The following SRSF5 variants were observed in gnomAD, a reference collection of about 807,000 sequenced individuals.
SRSF5 encodes serine and arginine rich splicing factor 5, also known as serine/arginine-rich splicing factor 5.
A neutral mutation model predicts 34.0 loss-of-function variants in SRSF5; 5 were observed. That is an observed-to-expected ratio of 0.15 (90% CI 0.08 to 0.31). The LOEUF (loss-of-function observed/expected upper bound fraction) is 0.31, where lower values mean the gene tolerates loss of function less well. Among genes scored for constraint, SRSF5 ranks in the 10% least tolerant of loss-of-function variants. The pLI is 1.00. For missense variants in SRSF5, 223 were observed against 351.4 expected (o/e 0.63, Z 2.92); for synonymous variants, 164 against 117.7 (o/e 1.39, Z -2.55).
Position 69,767,179 on chromosome 14 carries a change from T to G in SRSF5, c.-96T>G. ...GTGGCGTAGACGAGTTAAGTCCTGGTCTGCGTGGAGGTCGACGACTCCGTC... is the reference window on the plus strand; with the variant it reads ...GTGGCGTAGACGAGTTAAGTCCTGGGCTGCGTGGAGGTCGACGACTCCGTC... On this transcript the variant is annotated 5_prime_UTR_variant, in exon 1 of 8. Transcript: ENST00000557154. 2.8e-6 allele frequency: 1 copy of G among 353,758 alleles called. No homozygotes were observed. The highest frequency in any genetic ancestry group is 2.1e-5 in the South Asian group (1 of 46,826). The allele number at this position is 353,758 out of a possible 1,614,324, so 21.9% of individuals were successfully genotyped here.
At chr14:69,769,356 A>C in intron 5 of SRSF5, 105 bp downstream of exon 5, 1 of 1,515,510 alleles carries the variant, frequency 6.6e-7, no homozygotes, top group Non-Finnish European at 8.8e-7. Context: ...AAATTAATGG[A>C]TTTAATGGAA....
intron 1 of SRSF5, 164 bp from the exon 2 acceptor site, chr14:69,767,974 C>T (rs772223743): frequency 3.2e-5 from 23 of 711,560 alleles, no homozygotes; most frequent in Non-Finnish European, 5.0e-5. Flanking sequence ...GCTGGGTTTT[C>T]ATTTTGTCTG....
chr14:69,768,198 G>A lies in SRSF5; in HGVS notation c.42G>A (p.Ala14=), dbSNP rs772173007. ...CRVFIGRLNP[A]AREKDVERFF... ...TATTCATCGGGAGACTAAATCCAGC[G>A]GCCAGGGAGAAGGACGTGGAAAGAT... is the stretch of plus-strand genomic sequence containing the variant. The change falls in exon 2 of 8, where the codon GCG becomes GCA. Residue 14 remains alanine, a synonymous_variant. Coordinates refer to ENST00000557154, the MANE Select transcript of SRSF5 (RefSeq NM_001320214.2). 8 of 1,614,176 alleles carry A rather than the reference G, an allele frequency of 5.0e-6. No homozygotes were observed. Among genetic ancestry groups the A allele is most frequent in the Non-Finnish European group, 6.8e-6 (8 of 1,180,040 alleles).
At chr14:69,770,854 T>C (rs1013292647) in intron 6 of SRSF5, 141 bp from the exon 7 acceptor site, 1 of 814,976 alleles carries the variant, frequency 1.2e-6, no homozygotes, top group South Asian at 1.9e-5. Flanking sequence ...CTTTGCTCTT[T>C]TAATGCTGTG....
intron 6 of SRSF5, 95 bp from the exon 7 acceptor site, chr14:69,770,898 CAA>C: frequency 9.3e-7 from 1 of 1,075,426 alleles, no homozygotes. Flanking sequence ...GTAGCAATAG[CAA>C]AAGTGAACAT....
Position 69,771,381 on chromosome 14 carries a change from A to G in SRSF5, c.739A>G (p.Arg247Gly). ...EKSQKRGSSS[R>G]SKSPASVDRQ... ...GAGCCAGAAACGTGGTTCTTCAAGT[A>G]GATCTAAGTCTCCAGCATCTGTGGA... is the stretch of plus-strand genomic sequence containing the variant. Residue 247 changes from arginine to glycine, a missense_variant, in exon 8 of 8, where the codon AGA becomes GGA. Physicochemically the swap from Arg to Gly is moderately radical, Grantham distance 125 (BLOSUM62 -2). Around this residue, in one of 4 missense-constraint regions of SRSF5, gnomAD observed 115 missense variants for 119.7 expected, o/e 0.96. Transcript: ENST00000557154. The G allele has an allele frequency of 6.2e-7, 1 of 1,614,234 alleles. No individual in the cohort carries two copies. The highest frequency in any genetic ancestry group is 8.5e-7 in the Non-Finnish European group (1 of 1,180,046).
rs200485730 is a variant in SRSF5 at position 69,771,359 on chromosome 14, C to G, written c.717C>G (p.Ser239Arg). ...GTAGGTCTCCCGTGCCTGAGAAGAG[C>G]CAGAAACGTGGTTCTTCAAGTAGAT... Reference protein sequence around the residue: ...SVSRSPVPEKSQKRGSSSRSK... With the variant: ...SVSRSPVPEKRQKRGSSSRSK... The change falls in exon 8 of 8, where the codon AGC becomes AGG. Residue 239 changes from serine (S) to arginine (R), a missense_variant. By Grantham distance (110) the Ser-to-Arg change is moderately radical. Transcript: ENST00000557154. 1 of 1,614,158 alleles carries G rather than the reference C, an allele frequency of 6.2e-7. No homozygotes were observed. The highest frequency in any genetic ancestry group is 8.5e-7 in the Non-Finnish European group (1 of 1,180,030).
chr14:69,770,511 G>A lies in SRSF5; in HGVS notation c.411G>A (p.Ala137=), dbSNP rs544275121. 1.5e-5 allele frequency: 24 copies of A among 1,613,796 alleles called. No homozygotes were observed. The highest frequency in any genetic ancestry group is 2.7e-5 in the African/African-American group (2 of 74,886). ...FMRQAGEVTF[A]DAHRPKLNEG... is the part of the protein sequence containing the mutation. ...GACAAGCTGGGGAAGTAACGTTTGC[G>A]GATGCACACCGACCTAAATTAAATG... The change falls in exon 6 of 8, where the codon GCG becomes GCA. Residue 137 remains alanine (A), a synonymous_variant. Coordinates refer to ENST00000557154, the MANE Select transcript of SRSF5 (RefSeq NM_001320214.2).
rs2139686407 is a variant in SRSF5, at chr14:69,768,654, A to T, written c.177A>T (p.Gly59=). ...ATGATGCTGTGTATGAGCTTGATGG[A>T]AAAGAACTCTGTAGTGAAAGGTGAG... ...DADDAVYELD[G]KELCSERVTI... The change falls in exon 3 of 8, where the codon GGA becomes GGT. Residue 59 remains glycine (G), a synonymous_variant. Coordinates refer to ENST00000557154, the MANE Select transcript of SRSF5 (RefSeq NM_001320214.2). 1.9e-6 allele frequency: 3 copies of T among 1,614,214 alleles called. No individual in the cohort carries two copies. Among genetic ancestry groups the T allele is most frequent in the African/African-American group, 2.7e-5 (2 of 75,058 alleles).
At position 69,768,777 on chromosome 14, in the gene SRSF5, A is replaced by AT. The variant is rs1167244081; in HGVS notation, c.198-16dup. 4 of 1,613,504 alleles carry AT rather than the reference A, an allele frequency of 2.5e-6. No individual in the cohort carries two copies. The African/African-American group carries it at 5.3e-5, about 22-fold the overall frequency. ...TATGTAGCTTAAGTGTGTAACGGAG[A>AT]TTTTTCTTCCCTTTTTGTAGGGTTA... On this transcript the variant is annotated intron_variant, in intron 3 of 7. Transcript: ENST00000557154.
chr14:69,767,485 T>C (rs965871227), intron 1 of SRSF5: 1 of 455,962 alleles, frequency 2.2e-6, no homozygotes, highest in Non-Finnish European at 4.4e-6. Flanking sequence ...TGTGCGCCCG[T>C]CCCTGCCAGT....
chr14:69,768,876 C>T lies in SRSF5; in HGVS notation c.276C>T (p.Arg92=). Residue 92 remains arginine, a synonymous_variant, in exon 4 of 8, where the codon CGC becomes CGT. Transcript: ENST00000557154. Reference sequence around the variant, plus strand: ...GATACTCTGACCGTTTTAGTAGTCGCAGACCTCGAAATGATAGACGGTATG... The same window carrying T: ...GATACTCTGACCGTTTTAGTAGTCGTAGACCTCGAAATGATAGACGGTATG... The part of the protein sequence containing the change: ...RGRYSDRFSS[R]RPRNDRRNAP... The T allele has an allele frequency of 6.2e-7, 1 of 1,614,186 alleles. No individual in the cohort carries two copies. The highest frequency in any genetic ancestry group is 1.6e-4 in the Middle Eastern group (1 of 6,062).
In SRSF5 at chr14:69,768,864, T is replaced by A. The variant is rs1211183188; in HGVS notation, c.264T>A (p.Arg88=). ...GGRGRGRYSD[R]FSSRRPRNDR... Reference sequence around the variant, plus strand: ...GAGGTAGAGGACGATACTCTGACCGTTTTAGTAGTCGCAGACCTCGAAATG... The same window carrying A: ...GAGGTAGAGGACGATACTCTGACCGATTTAGTAGTCGCAGACCTCGAAATG... Residue 88 remains arginine (R), a synonymous_variant, in exon 4 of 8, where the codon CGT becomes CGA. Coordinates refer to ENST00000557154, the MANE Select transcript of SRSF5 (RefSeq NM_001320214.2). 6.2e-7 allele frequency: 1 copy of A among 1,614,056 alleles called. No individual in the cohort carries two copies. Among genetic ancestry groups the A allele is most frequent in the East Asian group, 2.2e-5 (1 of 44,896 alleles).
rs763663793 is a variant in SRSF5, at chr14:69,768,140, AG to A, written c.-16del. The A allele has an allele frequency of 7.4e-6, 12 of 1,613,974 alleles. No individual in the cohort carries two copies. In the African/African-American group the frequency reaches 1.5e-4, roughly 20 times the overall value. ...TCGATTGAATTACTTTCTAATAGGA[AG>A]TACTAGCCGGACATCATGAGTGGCT... is the stretch of plus-strand genomic sequence containing the variant. On this transcript the variant is annotated 5_prime_UTR_variant, in exon 2 of 8. Coordinates refer to ENST00000557154, the MANE Select transcript of SRSF5 (RefSeq NM_001320214.2).
At chr14:69,767,701 G>T (rs969717302) in intron 1 of SRSF5, 1 of 363,158 alleles carries the variant, frequency 2.8e-6, no homozygotes, top group African/African-American at 2.1e-5. Flanking sequence ...CAGAGCGCCC[G>T]CCCGCTGCTG....
intron 4 of SRSF5, 50 bp from the exon 5 acceptor site, chr14:69,769,132 A>G (rs572345643): frequency 1.9e-6 from 3 of 1,603,692 alleles, no homozygotes; most frequent in East Asian, 2.2e-5. Flanking sequence ...GTTGAACACA[A>G]GTGCTGTCAT....
chr14:69,769,353 T>C (rs1453572401), intron 5 of SRSF5, 102 bp downstream of exon 5: 1 of 1,517,328 alleles, frequency 6.6e-7, no homozygotes, highest in African/African-American at 1.4e-5. Flanking sequence ...TTTAAATTAA[T>C]GGATTTAATG....
At chr14:69,769,022 C>T (rs1882889592) in intron 4 of SRSF5, 126 bp downstream of exon 4, 5 of 1,292,860 alleles carry the variant, frequency 3.9e-6, no homozygotes, top group South Asian at 1.2e-5. Flanking sequence ...CCACGTTAGC[C>T]AGTTGTTCTT....
intron 4 of SRSF5, 89 bp from the exon 5 acceptor site, chr14:69,769,093 T>C (rs1187687463): frequency 6.8e-7 from 1 of 1,473,940 alleles, no homozygotes; most frequent in African/African-American, 1.4e-5. Context: ...GAATGGCTTG[T>C]GATATCTGAT....
Sources: allele counts gnomAD v4.1 joint callset, GRCh38; gene constraint gnomAD v4.1.1; regional missense constraint gnomAD v4.1.1; transcripts MANE v1.5; gene names NCBI Gene and HGNC (gene_info 2026-07-23, HGNC 2026-07-21).